The following FAT3 variants were observed in gnomAD, a reference collection of about 807,000 sequenced individuals.
FAT3 encodes protocadherin Fat 3.
FAT3 carries 95 observed loss-of-function variants against 310.2 expected under a neutral mutation model. That is an observed-to-expected ratio of 0.31 (90% confidence interval 0.26 to 0.36). The LOEUF is 0.36. FAT3 is among the 10% of genes least tolerant of loss of function. The probability of loss-of-function intolerance (pLI) is 1.00; values close to 1 mark genes in which losing one functional copy is unlikely to be tolerated. For synonymous variants in FAT3, 2,314 were observed against 2,192.9 expected, an observed-to-expected ratio of 1.06 and a Z score of -1.54; for missense variants, 5,408 against 5,715.6, an observed-to-expected ratio of 0.95 and a Z score of 1.74.
rs749785684 is a variant in FAT3, at chr11:92,353,329, A to G, written c.1217A>G (p.Asp406Gly). 11 of 1,613,646 alleles carry G rather than the reference A, an allele frequency of 6.8e-6. No individual in the cohort carries two copies. The highest frequency in any genetic ancestry group is 5.3e-5 in the African/African-American group (4 of 75,048). ...GTAAAATTAAGTCCTGAACCGATAGATGTGGAATACAAATTATCTCCTGGT... is the reference window on the plus strand; with the variant it reads ...GTAAAATTAAGTCCTGAACCGATAGGTGTGGAATACAAATTATCTCCTGGT... Reference protein sequence around the residue: ...AIVKLSPEPIDVEYKLSPGED... With the variant: ...AIVKLSPEPIGVEYKLSPGED... Residue 406 changes from aspartate to glycine, a missense_variant, in exon 2 of 28, where the codon GAT (aspartate) becomes GGT (glycine). Physicochemically the swap from Asp to Gly is moderately conservative, Grantham distance 94. This residue lies in a region of FAT3 where 4,588 missense variants were observed against 4,809.8 expected (regional missense o/e 0.95). Transcript: ENST00000525166.
intron 13 of FAT3, among the ~76,000 whole-genome samples, chr11:92,825,234 G>C (rs1948073006): frequency 6.6e-6 from 1 of 152,160 alleles, no homozygotes; most frequent in Admixed American, 6.6e-5. Context: ...TGGTCCCCTA[G>C]TTGTTTCTTC....
At position 92,799,774 on chromosome 11, in the gene FAT3, A is replaced by C; in HGVS notation, c.6761A>C (p.Tyr2254Ser). The change falls in exon 10 of 28, where the codon TAC becomes TCC. Residue 2254 changes from tyrosine to serine, a missense_variant. Tyr to Ser is a moderately radical substitution (Grantham distance 144). This residue lies in a region of FAT3 where 4,588 missense variants were observed against 4,809.8 expected (regional missense o/e 0.95). Transcript: ENST00000525166. ...SPLDYEVTSAYKLTIRASDAL... is the reference protein window; with the variant it reads ...SPLDYEVTSASKLTIRASDAL... ...TTGGATTATGAAGTTACATCTGCTT[A>C]CAAGCTGACAATAAGAGCCAGCGAC... is the stretch of plus-strand genomic sequence containing the variant. 1.2e-6 allele frequency: 2 copies of C among 1,612,824 alleles called. No homozygotes were observed. The highest frequency in any genetic ancestry group is 2.7e-5 in the African/African-American group (2 of 75,046).
At chr11:92,814,030 G>A (rs896874042) in intron 13 of FAT3, among the ~76,000 whole-genome samples, 6 of 152,188 alleles carry the variant, frequency 3.9e-5, no homozygotes, top group African/African-American at 1.4e-4. Context: ...CTTCTGTCAT[G>A]CAAGAACATC....
At chr11:92,549,316 C>G (rs576956542) in intron 3 of FAT3, among the ~76,000 whole-genome samples, 15 of 152,290 alleles carry the variant, frequency 9.8e-5, no homozygotes, top group African/African-American at 2.9e-4. Context: ...TACAATATTT[C>G]AAGCCAAGGT....
In FAT3 at chr11:92,812,329, T is replaced by G. The variant is rs74514564; in HGVS notation, c.9481+2253T>G. Among the ~76,000 whole-genome samples the G allele has an allele frequency of 4.4e-3, 675 of 152,240 alleles. 15 individuals carry two copies. Among genetic ancestry groups the G allele is most frequent in the East Asian group, 0.039 (203 of 5,182 alleles). ...ATCTGGCTTTCTAGTTTGGCCTCTA[T>G]AGTGTTCAAAAGAGAGGCCGAAGTG... On this transcript the variant is annotated intron_variant, in intron 13 of 27. Coordinates refer to ENST00000525166, the MANE Select transcript of FAT3 (RefSeq NM_001367949.2).
intron 4 of FAT3, among the ~76,000 whole-genome samples, chr11:92,713,385 C>A (rs1591638765): frequency 6.6e-6 from 1 of 152,334 alleles, no homozygotes; most frequent in East Asian, 1.9e-4. Flanking sequence ...TGTCAGAACA[C>A]TAAACTCAAC....
intron 3 of FAT3, among the ~76,000 whole-genome samples, chr11:92,600,647 A>G (rs895753528): frequency 1.3e-5 from 2 of 152,348 alleles, no homozygotes; most frequent in South Asian, 2.1e-4. Flanking sequence ...TACAATAAAT[A>G]AGCCAATCAA....
chr11:92,328,902 A>T (rs532657028), intron 1 of FAT3, among the ~76,000 whole-genome samples: 7 of 152,250 alleles, frequency 4.6e-5, no homozygotes, highest in Admixed American at 2.6e-4. Context: ...AGGTGGGGTG[A>T]TGTGACAGTG....
At chr11:92,615,570 G>A (rs1020220455) in intron 3 of FAT3, among the ~76,000 whole-genome samples, 1 of 152,152 alleles carries the variant, frequency 6.6e-6, no homozygotes, top group Non-Finnish European at 1.5e-5. Flanking sequence ...TATGATGTTA[G>A]GTTGTCAATT....
intron 22 of FAT3, among the ~76,000 whole-genome samples, chr11:92,875,099 A>T (rs1241814215): frequency 6.6e-6 from 1 of 151,762 alleles, no homozygotes; most frequent in African/African-American, 2.4e-5. Flanking sequence ...TTTTGTGAGA[A>T]CAGGTTAATT....
intron 1 of FAT3, among the ~76,000 whole-genome samples, chr11:92,294,712 G>T (rs1207199900): frequency 6.6e-6 from 1 of 151,652 alleles, no homozygotes; most frequent in East Asian, 1.9e-4. Context: ...CATCATGCTG[G>T]ATTATATGAG....
chr11:92,370,240 T>C (rs964549402), intron 2 of FAT3, among the ~76,000 whole-genome samples: 37 of 152,354 alleles, frequency 2.4e-4, no homozygotes, highest in African/African-American at 8.2e-4. Context: ...TTTCCATCCC[T>C]GTGGGCCATT....
chr11:92,615,897 C>T (rs1166935388), intron 3 of FAT3, among the ~76,000 whole-genome samples: 3 of 152,152 alleles, frequency 2.0e-5, no homozygotes, highest in Non-Finnish European at 4.4e-5. Flanking sequence ...TTACTTCCAA[C>T]TACGTGGTCA....
chr11:92,435,722 A>G (rs1374169896), intron 2 of FAT3, among the ~76,000 whole-genome samples: 1 of 151,626 alleles, frequency 6.6e-6, no homozygotes, highest in Non-Finnish European at 1.5e-5. Context: ...GTGCCACCAC[A>G]CCCAGCTCTA....
Position 92,895,866 on chromosome 11 carries a change from C to T in FAT3, c.*4753C>T, listed in dbSNP as rs755253106. The T allele has an allele frequency of 3.3e-5, 5 of 151,560 alleles. No individual in the cohort carries two copies. The highest frequency in any genetic ancestry group is 7.4e-5 in the Non-Finnish European group (5 of 67,956). The allele number at this position is 151,560 out of a possible 1,614,324, so 9.4% of individuals were successfully genotyped here. A position where few individuals can be genotyped will look rare whatever the true frequency, so the allele number is the denominator to read the frequency against. Reference sequence around the variant, plus strand: ...ATCAGGATGCTTTAATTTGGGGGGTCGAATATAATTGTAAGTCATCCACGC... The same window carrying T: ...ATCAGGATGCTTTAATTTGGGGGGTTGAATATAATTGTAAGTCATCCACGC... On this transcript the variant is annotated 3_prime_UTR_variant, in exon 28 of 28. Transcript: ENST00000525166.
At chr11:92,467,878 C>G (rs1048339637) in intron 2 of FAT3, among the ~76,000 whole-genome samples, 4 of 152,208 alleles carry the variant, frequency 2.6e-5, no homozygotes, top group Non-Finnish European at 4.4e-5. Flanking sequence ...AATATTAACA[C>G]AGGTCCATAG....
In FAT3 at chr11:92,353,111, C is replaced by T; in HGVS notation, c.999C>T (p.Asp333=). 6.2e-7 allele frequency: 1 copy of T among 1,613,658 alleles called. No homozygotes were observed. Among genetic ancestry groups the T allele is most frequent in the African/African-American group, 1.3e-5 (1 of 75,002 alleles). The change falls in exon 2 of 28, where the codon GAC becomes GAT. Residue 333 remains aspartate, a synonymous_variant. Transcript: ENST00000525166. ...EYKIKERKQI[D]WESFPYGYNL... ...AGATTAAGGAGAGGAAGCAGATTGA[C>T]TGGGAGAGCTTTCCCTATGGCTACA...
intron 5 of FAT3, 37 bp downstream of exon 5, chr11:92,762,207 G>A (rs760340000): frequency 6.4e-7 from 1 of 1,559,450 alleles, no homozygotes. Flanking sequence ...CAGCAGATGG[G>A]GGGAAGTGGT....
At chr11:92,424,461 C>A (rs1950590596) in intron 2 of FAT3, among the ~76,000 whole-genome samples, 1 of 152,080 alleles carries the variant, frequency 6.6e-6, no homozygotes, top group Non-Finnish European at 1.5e-5. Flanking sequence ...CAACAACTTG[C>A]TATTTCTCTT....
Sources: allele counts gnomAD v4.1 joint callset (sites outside exome capture counted in the v4.1 genomes callset), GRCh38; gene constraint gnomAD v4.1.1; regional missense constraint gnomAD v4.1.1; transcripts MANE v1.5; gene names NCBI Gene and HGNC (gene_info 2026-07-23, HGNC 2026-07-21).